The following MAF variants were observed in gnomAD, a reference collection of about 807,000 sequenced individuals.
The protein encoded by MAF is transcription factor Maf.
A neutral mutation model predicts 22.0 loss-of-function variants in MAF; 10 were observed. The observed-to-expected ratio is 0.45, with a 90% CI of 0.28 to 0.77. MAF has a LOEUF of 0.77. Ranked by LOEUF, MAF falls within the 30% of genes least tolerant of loss-of-function variation. The pLI is 0.12. For synonymous variants in MAF, 337 were observed against 255.8 expected (o/e 1.32, Z -3.03); for missense variants, 544 against 548.4 (o/e 0.99, Z 0.08).
the MAF span, among the ~76,000 whole-genome samples, chr16:79,567,908 G>A: frequency 2.0e-5 from 3 of 152,222 alleles, no homozygotes; most frequent in African/African-American, 7.2e-5. Context: ...TCGCAGAGCT[G>A]AAAGTTAAGC....
the MAF span, among the ~76,000 whole-genome samples, chr16:79,304,114 T>A: frequency 1.3e-5 from 2 of 151,928 alleles, no homozygotes; most frequent in Non-Finnish European, 2.9e-5. Context: ...TGACAAGGCT[T>A]GGCAGGCGAA....
At chr16:79,579,892 G>A in the MAF span, among the ~76,000 whole-genome samples, 1 of 152,140 alleles carries the variant, frequency 6.6e-6, no homozygotes, top group Non-Finnish European at 1.5e-5. Context: ...AGTAAAGATA[G>A]AAAGAAACAT....
chr16:79,381,906 G>C, the MAF span, among the ~76,000 whole-genome samples: 13 of 152,112 alleles, frequency 8.5e-5, no homozygotes, highest in Non-Finnish European at 1.9e-4. Context: ...ACGAGAGAAA[G>C]GTTTGAACTT....
chr16:79,336,422 G>C, the MAF span, among the ~76,000 whole-genome samples: 1 of 152,086 alleles, frequency 6.6e-6, no homozygotes, highest in South Asian at 2.1e-4. Context: ...TAGCTTCACT[G>C]GCAAATCTGT....
the MAF span, among the ~76,000 whole-genome samples, chr16:79,363,172 T>C: frequency 6.7e-6 from 1 of 149,162 alleles, no homozygotes; most frequent in Non-Finnish European, 1.5e-5. Context: ...ATGATAGAAA[T>C]CAGAGATGCA....
At chr16:79,551,007 C>G in the MAF span, among the ~76,000 whole-genome samples, 4 of 152,142 alleles carry the variant, frequency 2.6e-5, no homozygotes, top group Non-Finnish European at 5.9e-5. Flanking sequence ...CAGCAGAGAT[C>G]CCCCGCATGG....
At chr16:79,338,630 A>C in the MAF span, among the ~76,000 whole-genome samples, 1 of 152,202 alleles carries the variant, frequency 6.6e-6, no homozygotes, top group Non-Finnish European at 1.5e-5. Flanking sequence ...GAAGAGAATA[A>C]ACAAAAGAGT....
the MAF span, among the ~76,000 whole-genome samples, chr16:79,299,041 G>A: frequency 6.6e-6 from 1 of 152,246 alleles, no homozygotes; most frequent in Non-Finnish European, 1.5e-5. Context: ...GTGCTGATGG[G>A]CACTGGGGCT....
chr16:79,297,006 C>T, the MAF span, among the ~76,000 whole-genome samples: 27 of 152,318 alleles, frequency 1.8e-4, no homozygotes, highest in South Asian at 4.3e-3. Context: ...ACATTTTGCA[C>T]GGTGTCTTTG....
At chr16:79,450,663 G>A in the MAF span, among the ~76,000 whole-genome samples, 1 of 152,144 alleles carries the variant, frequency 6.6e-6, no homozygotes, top group Non-Finnish European at 1.5e-5. Flanking sequence ...TATTTTGTCT[G>A]ACTGTTTTAT....
chr16:79,562,071 C>G, the MAF span, among the ~76,000 whole-genome samples: 2 of 152,174 alleles, frequency 1.3e-5, no homozygotes, highest in Non-Finnish European at 2.9e-5. Context: ...CTAACACATT[C>G]CTTGCTCTAC....
At chr16:79,225,086 G>C in the MAF span, among the ~76,000 whole-genome samples, 2 of 152,130 alleles carry the variant, frequency 1.3e-5, no homozygotes, top group East Asian at 1.9e-4. Context: ...CAAAGCTGGA[G>C]GCATCATGCT....
the MAF span, among the ~76,000 whole-genome samples, chr16:79,438,934 C>G: frequency 3.3e-5 from 5 of 152,156 alleles, no homozygotes; most frequent in Admixed American, 1.3e-4. Flanking sequence ...TTGTCCTCAT[C>G]ATGTGAGAGA....
At chr16:79,487,354 G>A in the MAF span, among the ~76,000 whole-genome samples, 1 of 152,144 alleles carries the variant, frequency 6.6e-6, no homozygotes, top group Admixed American at 6.5e-5. Flanking sequence ...CTTGGGTGTT[G>A]AGAATATTCT....
At chr16:79,570,586 C>T in the MAF span, among the ~76,000 whole-genome samples, 1 of 152,168 alleles carries the variant, frequency 6.6e-6, no homozygotes, top group Admixed American at 6.5e-5. Context: ...AATCGTTCAT[C>T]TGGGAAGCTC....
chr16:79,507,427 CT>C, the MAF span, among the ~76,000 whole-genome samples: 2 of 139,590 alleles, frequency 1.4e-5, no homozygotes, highest in Non-Finnish European at 3.1e-5. Flanking sequence ...TTGCATCTTA[CT>C]TTTTTATTTT....
the MAF span, among the ~76,000 whole-genome samples, chr16:79,258,983 G>A: frequency 6.6e-6 from 1 of 152,106 alleles, no homozygotes; most frequent in African/African-American, 2.4e-5. Context: ...CCACATCCAG[G>A]CTGAAAGAAG....
chr16:79,566,163 A>T, the MAF span, among the ~76,000 whole-genome samples: 2 of 152,180 alleles, frequency 1.3e-5, no homozygotes, highest in African/African-American at 4.8e-5. Context: ...TCTTTTTTTT[A>T]AAGAAATGTA....
At chr16:79,330,118 T>C in the MAF span, among the ~76,000 whole-genome samples, 11 of 152,200 alleles carry the variant, frequency 7.2e-5, no homozygotes, top group African/African-American at 1.2e-4. Context: ...GGTAAAAGTA[T>C]GGGCTGCAAA....
Sources: allele counts gnomAD v4.1 joint callset (sites outside exome capture counted in the v4.1 genomes callset), GRCh38; gene constraint gnomAD v4.1.1; transcripts MANE v1.5; gene names NCBI Gene and HGNC (gene_info 2026-07-23, HGNC 2026-07-21).